SLC25A38: variants seen among roughly 807,000 people sequenced by gnomAD.
The protein encoded by SLC25A38 is solute carrier family 25 member 38.
A neutral mutation model predicts 33.4 loss-of-function variants in SLC25A38; 27 were observed. That is an observed-to-expected ratio of 0.81 (90% CI 0.60 to 1.11). The LOEUF (loss-of-function observed/expected upper bound fraction) is 1.11, where lower values mean the gene tolerates loss of function less well. Among genes scored for constraint, SLC25A38 ranks in the 50% most tolerant of loss-of-function variants. SLC25A38 has a pLI of 0.00. For missense variants in SLC25A38, 344 were observed against 388.8 expected, an observed-to-expected ratio of 0.88 and a Z score of 0.97; for synonymous variants, 123 against 145.9, an observed-to-expected ratio of 0.84 and a Z score of 1.13.
Position 39,383,579 on chromosome 3 carries a change from A to T in SLC25A38, c.-146A>T. 1 of 839,638 alleles carries T rather than the reference A, an allele frequency of 1.2e-6. No individual in the cohort carries two copies. Among genetic ancestry groups the T allele is most frequent in the Non-Finnish European group, 1.9e-6 (1 of 517,686 alleles). The allele number at this position is 839,638 out of a possible 1,614,324, so 52.0% of individuals were successfully genotyped here. ...TCCGAACCCCGGCGGCTGCGTGCTTATAGGCGCAGACGTCAGAGAGCCCGC... is the reference window on the plus strand; with the variant it reads ...TCCGAACCCCGGCGGCTGCGTGCTTTTAGGCGCAGACGTCAGAGAGCCCGC... On this transcript the variant is annotated 5_prime_UTR_variant, in exon 1 of 7. Coordinates refer to ENST00000650617, the MANE Select transcript of SLC25A38 (RefSeq NM_017875.4).
intron 5 of SLC25A38, among the ~76,000 whole-genome samples, chr3:39,393,531 G>T (rs1421459198): frequency 6.6e-6 from 1 of 151,998 alleles, no homozygotes; most frequent in African/African-American, 2.4e-5. Flanking sequence ...ACAGAGTCTT[G>T]CCCTGTCACT....
rs911953099 is a variant in SLC25A38, at chr3:39,389,434, A to G, written c.70-61A>G. 2 of 1,613,880 alleles carry G rather than the reference A, an allele frequency of 1.2e-6. No homozygotes were observed. Among genetic ancestry groups the G allele is most frequent in the South Asian group, 1.1e-5 (1 of 90,984 alleles). On this transcript the variant is annotated intron_variant, in intron 1 of 6. Transcript: ENST00000650617. The surrounding 1 kb of genome is among the most constrained non-coding windows in gnomAD (Gnocchi z 4.5). ...TTATAAAGGAATTTGCTGGTCAGGT[A>G]TAGAGAAAGGTGAGGCTCACACAGG...
At chr3:39,392,171 T>A in intron 5 of SLC25A38, 150 bp downstream of exon 5, 1 of 1,050,666 alleles carries the variant, frequency 9.5e-7, no homozygotes, top group Non-Finnish European at 1.4e-6. Flanking sequence ...GATGCAAAGG[T>A]GGATATGACA....
chr3:39,392,782 A>G (rs137901904), intron 5 of SLC25A38, among the ~76,000 whole-genome samples: 2 of 152,308 alleles, frequency 1.3e-5, no homozygotes, highest in African/African-American at 2.4e-5. Context: ...CATCATGACT[A>G]TGGGGACCAG....
chr3:39,390,753 C>T (rs1326411825), intron 3 of SLC25A38, among the ~76,000 whole-genome samples: 1 of 152,116 alleles, frequency 6.6e-6, no homozygotes, highest in Admixed American at 6.6e-5. Context: ...ACCTAATGTC[C>T]CACCTGTCAG....
chr3:39,384,241 C>T (rs971251728), intron 1 of SLC25A38, among the ~76,000 whole-genome samples: 18 of 152,218 alleles, frequency 1.2e-4, no homozygotes, highest in Non-Finnish European at 2.2e-4. Flanking sequence ...GGCGGCCTAC[C>T]TGGAGGGGCC....
chr3:39,391,942 A>G lies in SLC25A38; in HGVS notation c.546A>G (p.Thr182=), dbSNP rs1431684248. 6.2e-7 allele frequency: 1 copy of G among 1,614,088 alleles called. No individual in the cohort carries two copies. Among genetic ancestry groups the G allele is most frequent in the African/African-American group, 1.3e-5 (1 of 74,922 alleles). The part of the protein sequence containing the change: ...EGHRGLFSGL[T]ATLLRDAPFS... ...ACCGGGGCCTCTTCAGTGGCCTGAC[A>G]GCAACTCTCCTTCGAGATGCGCCCT... The change falls in exon 5 of 7, where the codon ACA becomes ACG. Residue 182 remains threonine, a synonymous_variant. Coordinates refer to ENST00000650617, the MANE Select transcript of SLC25A38 (RefSeq NM_017875.4).
Position 39,389,859 on chromosome 3 carries a change from T to C in SLC25A38, c.191+243T>C, listed in dbSNP as rs2041742177. ...ACATTTACACTTTATTGTGTTAGCT[T>C]GTGATGTTATAACTGTATTGCCTGG... is the stretch of plus-strand genomic sequence containing the variant. On this transcript the variant is annotated intron_variant, in intron 2 of 6. Coordinates refer to ENST00000650617, the MANE Select transcript of SLC25A38 (RefSeq NM_017875.4). The surrounding 1 kb of genome is among the most constrained non-coding windows in gnomAD (Gnocchi z 4.5). Among the ~76,000 whole-genome samples the C allele has an allele frequency of 6.6e-6, 1 of 152,230 alleles. No individual in the cohort carries two copies. Among genetic ancestry groups the C allele is most frequent in the African/African-American group, 2.4e-5 (1 of 41,458 alleles).
chr3:39,389,479 T>C lies in SLC25A38; in HGVS notation c.70-16T>C. 1 of 1,614,212 alleles carries C rather than the reference T, an allele frequency of 6.2e-7. No individual in the cohort carries two copies. The highest frequency in any genetic ancestry group is 8.5e-7 in the Non-Finnish European group (1 of 1,180,030). ...CACAGGCAGAGCTACTGACACAATA[T>C]TGTCTTATCCTGCAGTTACATCCGG... On this transcript the variant is annotated splice_polypyrimidine_tract_variant and intron_variant, in intron 1 of 6. Transcript: ENST00000650617. The surrounding 1 kb of genome is among the most constrained non-coding windows in gnomAD (Gnocchi z 4.5).
At chr3:39,387,440 A>G (rs1266035430) in intron 1 of SLC25A38, among the ~76,000 whole-genome samples, 1 of 152,162 alleles carries the variant, frequency 6.6e-6, no homozygotes, top group Non-Finnish European at 1.5e-5. Flanking sequence ...AGTGGAGGCC[A>G]GACTGGGAAG....
At chr3:39,384,959 G>A (rs958159780) in intron 1 of SLC25A38, among the ~76,000 whole-genome samples, 2 of 151,782 alleles carry the variant, frequency 1.3e-5, no homozygotes, top group African/African-American at 4.8e-5. Flanking sequence ...GCGCCACCAC[G>A]CCCGGCTAGT....
chr3:39,390,716 G>T (rs2041756178), intron 3 of SLC25A38, among the ~76,000 whole-genome samples: 1 of 152,182 alleles, frequency 6.6e-6, no homozygotes, highest in Non-Finnish European at 1.5e-5. Flanking sequence ...TGATTTATTA[G>T]TGCAGCATAG....
At chr3:39,384,524 T>A in intron 1 of SLC25A38, 6 of 377,080 alleles carry the variant, frequency 1.6e-5, no homozygotes, top group Middle Eastern at 6.7e-4. Context: ...TTTTTTTTAA[T>A]CCTTAAAGGC....
At chr3:39,388,975 G>A (rs73826418) in intron 1 of SLC25A38, among the ~76,000 whole-genome samples, 5,276 of 152,218 alleles carry the variant, frequency 0.035, 277 homozygotes, top group South Asian at 0.15. Flanking sequence ...ATGGTAAGGG[G>A]AAAGTTTTAA....
chr3:39,389,323 G>C lies in SLC25A38; in HGVS notation c.70-172G>C, dbSNP rs754614615. Reference sequence around the variant, plus strand: ...ATCCAATGTCCTCAATAACATTGCAGTATTTTTAATTTCTGGCTATACTTT... The same window carrying C: ...ATCCAATGTCCTCAATAACATTGCACTATTTTTAATTTCTGGCTATACTTT... On this transcript the variant is annotated intron_variant, in intron 1 of 6. Coordinates refer to ENST00000650617, the MANE Select transcript of SLC25A38 (RefSeq NM_017875.4). The surrounding 1 kb of genome is among the most constrained non-coding windows in gnomAD (Gnocchi z 4.5). The C allele has an allele frequency of 1.5e-4, 146 of 978,656 alleles. No homozygotes were observed. Among genetic ancestry groups the C allele is most frequent in the Non-Finnish European group, 2.1e-4 (134 of 630,166 alleles). The allele number at this position is 978,656 out of a possible 1,614,324, so 60.6% of individuals were successfully genotyped here.
intron 3 of SLC25A38, 73 bp downstream of exon 3, chr3:39,390,580 C>T: frequency 1.4e-6 from 2 of 1,460,908 alleles, no homozygotes; most frequent in Non-Finnish European, 1.9e-6. Flanking sequence ...TCTACCTTAC[C>T]AGCTCTTAAG....
Position 39,383,607 on chromosome 3 carries a change from C to A in SLC25A38, c.-118C>A. ...GGCGCAGACGTCAGAGAGCCCGCGG[C>A]TTAAAGCGCGTCGCCTGGCTAGCGC... is the stretch of plus-strand genomic sequence containing the variant. On this transcript the variant is annotated 5_prime_UTR_variant, in exon 1 of 7. Transcript: ENST00000650617. The A allele has an allele frequency of 1.7e-6, 2 of 1,209,008 alleles. No individual in the cohort carries two copies. Among genetic ancestry groups the A allele is most frequent in the South Asian group, 2.5e-5 (2 of 78,470 alleles). 74.9% of individuals were successfully genotyped at this position (1,209,008 alleles called of 1,614,324 possible).
intron 1 of SLC25A38, among the ~76,000 whole-genome samples, chr3:39,386,812 T>C (rs529231527): frequency 4.3e-4 from 65 of 152,148 alleles, no homozygotes; most frequent in African/African-American, 1.5e-3. Flanking sequence ...GCTAGAGAAA[T>C]GGCATGGCAT....
At chr3:39,387,132 C>T (rs1387909315) in intron 1 of SLC25A38, among the ~76,000 whole-genome samples, 1 of 152,172 alleles carries the variant, frequency 6.6e-6, no homozygotes, top group Admixed American at 6.5e-5. Flanking sequence ...TAGTGGAATG[C>T]ACTGAGTGGC....
Sources: allele counts gnomAD v4.1 joint callset (sites outside exome capture counted in the v4.1 genomes callset), GRCh38; gene constraint gnomAD v4.1.1; non-coding constraint Gnocchi (gnomAD v3.1); transcripts MANE v1.5; gene names NCBI Gene and HGNC (gene_info 2026-07-23, HGNC 2026-07-21).